The following USP33 variants were observed in gnomAD, a reference collection of about 807,000 sequenced individuals.
The protein encoded by USP33 is ubiquitin carboxyl-terminal hydrolase 33.
In USP33, 46 loss-of-function variants were observed where a neutral mutation model predicts 124.2. That is an observed-to-expected ratio of 0.37 (90% CI 0.29 to 0.47). The LOEUF is 0.47. Among genes scored for constraint, USP33 ranks in the 20% least tolerant of loss-of-function variants. The pLI is 0.99. For synonymous variants in USP33, 350 were observed against 352.3 expected (o/e 0.99, Z 0.07); for missense variants, 851 against 1,070.6 (o/e 0.79, Z 2.86).
chr1:77,738,592 T>C (rs1256419885), intron 5 of USP33, among the ~76,000 whole-genome samples: 3 of 152,102 alleles, frequency 2.0e-5, no homozygotes, highest in Non-Finnish European at 4.4e-5. Flanking sequence ...GCCATTCTCC[T>C]GCCTCAGCCT....
rs2101550521 is a variant in USP33, at chr1:77,740,797, TTAA to T, written c.198+77_198+79del. On this transcript the variant is annotated intron_variant, in intron 4 of 23. Transcript: ENST00000370794. ...GTGCAAATTTGAATTACAACTTGAA[TTAA>T]TAATGTTATACTGGCTTTCCCTTTC... is the stretch of plus-strand genomic sequence containing the variant. 8.2e-6 allele frequency: 8 copies of T among 970,728 alleles called. No individual in the cohort carries two copies. In the South Asian group the frequency reaches 1.1e-4, roughly 13 times the overall value. The allele number at this position is 970,728 out of a possible 1,614,324, so 60.1% of individuals were successfully genotyped here.
chr1:77,701,625 C>T, intron 21 of USP33, 154 bp from the exon 22 acceptor site: 1 of 584,458 alleles, frequency 1.7e-6, no homozygotes, highest in African/African-American at 1.9e-5. Flanking sequence ...CCAGTCTGGG[C>T]AACATCGTGA....
rs748848336 is a variant in USP33 at position 77,728,386 on chromosome 1, G to A, written c.1044C>T (p.Gly348=). ...TAGAGTCTCTATCTTTATCAAATTC[G>A]CCTTCAGAATTTACTTTATTAATCT... is the stretch of plus-strand genomic sequence containing the variant. ...CNKINKVNSE[G]EFDKDRDSIS... The change falls in exon 10 of 24, where the codon GGC becomes GGT. Residue 348 remains glycine, a synonymous_variant. Coordinates refer to ENST00000370794, the MANE Select transcript of USP33 (RefSeq NM_201624.3). 30 of 1,613,620 alleles carry A rather than the reference G, an allele frequency of 1.9e-5. No individual in the cohort carries two copies. Among genetic ancestry groups the A allele is most frequent in the Middle Eastern group, 3.3e-4 (2 of 6,080 alleles).
intron 1 of USP33, among the ~76,000 whole-genome samples, chr1:77,744,067 T>C (rs1679451003): frequency 6.7e-6 from 1 of 149,606 alleles, no homozygotes; most frequent in Admixed American, 6.7e-5. Flanking sequence ...GAGGTTGCAG[T>C]GAGCTGAGAT....
At chr1:77,719,137 G>A (rs902368359) in intron 15 of USP33, among the ~76,000 whole-genome samples, 8 of 151,748 alleles carry the variant, frequency 5.3e-5, no homozygotes, top group Non-Finnish European at 1.2e-4. Context: ...AAGGCGGGCC[G>A]ATCATAAGGT....
chr1:77,715,985 C>T lies in USP33; in HGVS notation c.1919-117G>A, dbSNP rs565450542. The T allele has an allele frequency of 1.1e-4, 124 of 1,126,516 alleles. No homozygotes were observed. The South Asian group carries it at 2.2e-3, about 20-fold the overall frequency. 69.8% of individuals were successfully genotyped at this position (1,126,516 alleles called of 1,614,324 possible). A position where few individuals can be genotyped will look rare whatever the true frequency, so the allele number is the denominator to read the frequency against. On this transcript the variant is annotated intron_variant, in intron 17 of 23. Coordinates refer to ENST00000370794, the MANE Select transcript of USP33 (RefSeq NM_201624.3). ...TAGCTGGAATATAGGAAGAATTATG[C>T]TTGTATTTTTTTTTCAGTTTGCACG...
chr1:77,740,735 T>C, intron 4 of USP33, 142 bp downstream of exon 4: 1 of 654,724 alleles, frequency 1.5e-6, no homozygotes, highest in South Asian at 1.8e-5. Flanking sequence ...CCCTTCCCCA[T>C]CCTTCACAGA....
At chr1:77,747,475 T>G (rs1161948101) in intron 1 of USP33, among the ~76,000 whole-genome samples, 1 of 152,048 alleles carries the variant, frequency 6.6e-6, no homozygotes, top group African/African-American at 2.4e-5. Flanking sequence ...CAGGCTGGTC[T>G]CAAACTCCTA....
At chr1:77,734,105 G>A (rs1678150848) in intron 7 of USP33, among the ~76,000 whole-genome samples, 1 of 152,164 alleles carries the variant, frequency 6.6e-6, no homozygotes, top group Admixed American at 6.5e-5. Context: ...TTTTCTAGAT[G>A]TAAGAAACAA....
intron 10 of USP33, among the ~76,000 whole-genome samples, chr1:77,727,094 G>A (rs1323423810): frequency 6.6e-6 from 1 of 152,176 alleles, no homozygotes; most frequent in Non-Finnish European, 1.5e-5. Flanking sequence ...TATTGGGAGT[G>A]AAAAAACAAC....
intron 1 of USP33, among the ~76,000 whole-genome samples, chr1:77,750,652 GA>G (rs1680227940): frequency 6.8e-6 from 1 of 147,736 alleles, no homozygotes; most frequent in Non-Finnish European, 1.5e-5. Context: ...AAGAAAGAAA[GA>G]AAGAAAGAAA....
chr1:77,725,985 T>C (rs1240789164), intron 10 of USP33, among the ~76,000 whole-genome samples: 1 of 152,242 alleles, frequency 6.6e-6, no homozygotes, highest in Non-Finnish European at 1.5e-5. Context: ...AGTCTCCCTC[T>C]GTCCCCCAGG....
chr1:77,741,429 C>G lies in USP33; in HGVS notation c.82G>C (p.Gly28Arg). The change falls in exon 3 of 24, where the codon GGT becomes CGT. Residue 28 changes from glycine to arginine, a missense_variant and splice_region_variant. By Grantham distance (125) the Gly-to-Arg change is moderately radical. Around this residue, in one of 4 missense-constraint regions of USP33, gnomAD observed 221 missense variants for 302.9 expected, o/e 0.73. Coordinates refer to ENST00000370794, the MANE Select transcript of USP33 (RefSeq NM_201624.3). ...TGGACTTTACAATCCTGACAAGTAC[C>G]CTATAAAAAGAAATTAAAAAGACAA... Reference protein sequence around the residue: ...TKEDLIQKSLGTCQDCKVQGP... With the variant: ...TKEDLIQKSLRTCQDCKVQGP... The G allele has an allele frequency of 6.2e-7, 1 of 1,607,404 alleles. No homozygotes were observed. Among genetic ancestry groups the G allele is most frequent in the East Asian group, 2.2e-5 (1 of 44,650 alleles).
intron 15 of USP33, chr1:77,720,212 G>A (rs2101370604): frequency 3.3e-6 from 1 of 302,988 alleles, no homozygotes; most frequent in African/African-American, 2.4e-5. Context: ...TCTTACATGT[G>A]GAAAAAAAGA....
intron 12 of USP33, among the ~76,000 whole-genome samples, chr1:77,722,858 T>G (rs1676728639): frequency 6.6e-6 from 1 of 152,262 alleles, no homozygotes; most frequent in South Asian, 2.1e-4. Context: ...TTTTAATGTA[T>G]GCTTTGTTAT....
intron 18 of USP33, 30 bp downstream of exon 18, chr1:77,715,712 T>G (rs1675803149): frequency 6.2e-7 from 1 of 1,603,468 alleles, no homozygotes; most frequent in Non-Finnish European, 8.5e-7. Context: ...GTGAGAGATG[T>G]CCTTTCGCAT....
Position 77,717,796 on chromosome 1 carries a change from G to A in USP33, c.1918+71C>T, listed in dbSNP as rs932574537. 1.6e-5 allele frequency: 22 copies of A among 1,378,056 alleles called. No individual in the cohort carries two copies. The East Asian group carries it at 4.0e-4, about 25-fold the overall frequency. 85.4% of individuals were successfully genotyped at this position (1,378,056 alleles called of 1,614,324 possible). On this transcript the variant is annotated intron_variant, in intron 17 of 23. Transcript: ENST00000370794. Reference sequence around the variant, plus strand: ...CCCAAAAGGCTGGTATTACAGGTATGAGCCACCACGCCCAGGCTTATTTTA... The same window carrying A: ...CCCAAAAGGCTGGTATTACAGGTATAAGCCACCACGCCCAGGCTTATTTTA...
chr1:77,736,211 A>C (rs900306990), intron 5 of USP33, 53 bp from the exon 6 acceptor site: 2 of 1,259,620 alleles, frequency 1.6e-6, no homozygotes, highest in Admixed American at 2.1e-5. Flanking sequence ...ATTTAAAAAA[A>C]GTTTTAATTG....
intron 5 of USP33, among the ~76,000 whole-genome samples, chr1:77,736,675 T>C (rs1013329088): frequency 6.6e-6 from 1 of 152,114 alleles, no homozygotes; most frequent in African/African-American, 2.4e-5. Flanking sequence ...AGTGGCACGA[T>C]CTCAGCTCAC....
Sources: gnomAD v4.1 joint callset for allele counts (sites outside exome capture counted in the v4.1 genomes callset) on GRCh38, gnomAD v4.1.1 for gene constraint, gnomAD v4.1.1 regional missense constraint, MANE v1.5 for transcripts, NCBI Gene and HGNC (gene_info 2026-07-23, HGNC 2026-07-21) for gene names.